Variants in PTPRD observed in about 807,000 individuals in gnomAD.
The protein encoded by PTPRD is receptor-type tyrosine-protein phosphatase delta.
In PTPRD, 34 loss-of-function variants were observed where a neutral mutation model predicts 214.5. That is an observed-to-expected ratio of 0.16 (90% CI 0.12 to 0.21). The LOEUF is 0.21. Ranked by LOEUF, PTPRD falls within the 10% of genes least tolerant of loss-of-function variation. The probability of loss-of-function intolerance (pLI) is 1.00; values close to 1 mark genes in which losing one functional copy is unlikely to be tolerated. For synonymous variants in PTPRD, 1,128 were observed against 845.7 expected, an observed-to-expected ratio of 1.33 and a Z score of -5.79; for missense variants, 2,545 against 2,398.7, an observed-to-expected ratio of 1.06 and a Z score of -1.27.
intron 2 of PTPRD, among the ~76,000 whole-genome samples, chr9:10,490,391 A>T (rs1589329643): frequency 1.3e-5 from 2 of 152,200 alleles, no homozygotes; most frequent in South Asian, 2.1e-4. Context: ...GACAGTGTTC[A>T]TAAAAATAAT....
intron 2 of PTPRD, among the ~76,000 whole-genome samples, chr9:10,424,304 G>T (rs1462555305): frequency 6.8e-6 from 1 of 147,518 alleles, no homozygotes; most frequent in Non-Finnish European, 1.5e-5. Context: ...TTGATAATAT[G>T]GTTTCCTTTT....
At chr9:8,667,148 G>A (rs1214876382) in intron 12 of PTPRD, among the ~76,000 whole-genome samples, 2 of 152,134 alleles carry the variant, frequency 1.3e-5, no homozygotes, top group East Asian at 1.9e-4. Context: ...AGACCAGCCT[G>A]GCCAACATGG....
At chr9:10,090,602 C>T (rs981651609) in intron 3 of PTPRD, among the ~76,000 whole-genome samples, 1 of 135,722 alleles carries the variant, frequency 7.4e-6, no homozygotes, top group African/African-American at 2.9e-5. Flanking sequence ...TACTCACTTG[C>T]AGCCCAAAAG....
chr9:10,007,856 C>A (rs943011709), intron 4 of PTPRD, among the ~76,000 whole-genome samples: 8 of 151,782 alleles, frequency 5.3e-5, no homozygotes, highest in African/African-American at 1.7e-4. Flanking sequence ...TATTTATCAG[C>A]CAATAGTTAC....
At chr9:10,260,225 T>C (rs1330246972) in intron 3 of PTPRD, among the ~76,000 whole-genome samples, 4 of 152,218 alleles carry the variant, frequency 2.6e-5, no homozygotes, top group Admixed American at 2.6e-4. Context: ...CCCAGGGAAG[T>C]CATGTCCAGA....
intron 2 of PTPRD, among the ~76,000 whole-genome samples, chr9:10,494,946 G>C (rs1053022880): frequency 6.6e-6 from 1 of 151,556 alleles, no homozygotes; most frequent in Non-Finnish European, 1.5e-5. Flanking sequence ...CAAATGTATT[G>C]TTGCCATATC....
intron 5 of PTPRD, among the ~76,000 whole-genome samples, chr9:9,860,500 C>A (rs1490555619): frequency 6.6e-6 from 1 of 152,152 alleles, no homozygotes; most frequent in Non-Finnish European, 1.5e-5. Context: ...AGATATTGAG[C>A]AATATTTTAC....
chr9:8,493,093 GCTAAGCC>G, intron 26 of PTPRD, 114 bp from the exon 27 acceptor site: 1 of 829,112 alleles, frequency 1.2e-6, no homozygotes, highest in Non-Finnish European at 2.0e-6. Flanking sequence ...TTGCAGCCAT[GCTAAGCC>G]CTGGAAATTT....
chr9:9,336,912 T>C (rs2044734202), intron 9 of PTPRD, among the ~76,000 whole-genome samples: 1 of 152,192 alleles, frequency 6.6e-6, no homozygotes, highest in African/African-American at 2.4e-5. Context: ...TATTATGCTG[T>C]TCATTTGACA....
chr9:9,248,643 A>G (rs1457504972), intron 9 of PTPRD, among the ~76,000 whole-genome samples: 2 of 152,096 alleles, frequency 1.3e-5, no homozygotes, highest in South Asian at 2.1e-4. Flanking sequence ...CTGAGGCTGT[A>G]TAAAATAGTT....
intron 45 of PTPRD, among the ~76,000 whole-genome samples, chr9:8,318,359 G>C (rs1430146604): frequency 6.6e-6 from 1 of 152,032 alleles, no homozygotes; most frequent in Non-Finnish European, 1.5e-5. Context: ...ATATTTAAGA[G>C]AGGCTGATAC....
At chr9:10,290,184 T>C (rs944576436) in intron 3 of PTPRD, among the ~76,000 whole-genome samples, 2 of 152,138 alleles carry the variant, frequency 1.3e-5, no homozygotes, top group African/African-American at 4.8e-5. Flanking sequence ...ATCCACAAAC[T>C]GCATATCAGA....
At chr9:10,556,880 GA>G (rs1239383946) in intron 2 of PTPRD, among the ~76,000 whole-genome samples, 1 of 151,822 alleles carries the variant, frequency 6.6e-6, no homozygotes, top group African/African-American at 2.4e-5. Context: ...AATCAAGAGT[GA>G]AAAAAATGCT....
At chr9:8,707,734 G>A (rs2098239354) in intron 12 of PTPRD, among the ~76,000 whole-genome samples, 1 of 152,154 alleles carries the variant, frequency 6.6e-6, no homozygotes, top group Admixed American at 6.5e-5. Context: ...GTTTAACCAT[G>A]GCCACTACTA....
intron 2 of PTPRD, among the ~76,000 whole-genome samples, chr9:10,395,626 A>T (rs985186650): frequency 1.3e-5 from 2 of 151,922 alleles, no homozygotes; most frequent in Non-Finnish European, 2.9e-5. Flanking sequence ...CTAATGACTA[A>T]TTGTTGTCCT....
At chr9:8,984,109 G>C (rs2099327830) in intron 11 of PTPRD, among the ~76,000 whole-genome samples, 1 of 151,934 alleles carries the variant, frequency 6.6e-6, no homozygotes, top group South Asian at 2.1e-4. Flanking sequence ...TATTGGAAGA[G>C]CCTATTTTTT....
chr9:9,714,408 T>A (rs1335318658), intron 7 of PTPRD, among the ~76,000 whole-genome samples: 1 of 152,206 alleles, frequency 6.6e-6, no homozygotes, highest in Non-Finnish European at 1.5e-5. Context: ...TGTGAAACCA[T>A]TTTAAAAGTT....
chr9:8,826,554 T>C (rs1471460415), intron 11 of PTPRD, among the ~76,000 whole-genome samples: 2 of 151,910 alleles, frequency 1.3e-5, no homozygotes, highest in East Asian at 3.9e-4. Flanking sequence ...CAGCTACCCA[T>C]ATCCAACTGA....
At chr9:10,303,605 C>A (rs542852154) in intron 3 of PTPRD, among the ~76,000 whole-genome samples, 1 of 152,214 alleles carries the variant, frequency 6.6e-6, no homozygotes, top group South Asian at 2.1e-4. Context: ...TACAGTAATA[C>A]AAACTACCAT....
Sources: allele counts gnomAD v4.1 joint callset (sites outside exome capture counted in the v4.1 genomes callset), GRCh38; gene constraint gnomAD v4.1.1; transcripts MANE v1.5; gene names NCBI Gene and HGNC (gene_info 2026-07-23, HGNC 2026-07-21).